RBFOX1: variants seen among roughly 807,000 people sequenced by gnomAD.
RBFOX1 encodes the protein RNA binding fox-1 homolog 1.
In RBFOX1, 8 loss-of-function variants were observed where a neutral mutation model predicts 57.7. The ratio of observed to expected loss-of-function variants is 0.14; its 90% confidence interval spans 0.08 to 0.25. The LOEUF (loss-of-function observed/expected upper bound fraction) is 0.25, where lower values mean the gene tolerates loss of function less well. RBFOX1 is among the 10% of genes least tolerant of loss of function. RBFOX1 has a pLI of 1.00. For synonymous variants in RBFOX1, 326 were observed against 222.4 expected, an observed-to-expected ratio of 1.47 and a Z score of -4.15; for missense variants, 611 against 548.5, an observed-to-expected ratio of 1.11 and a Z score of -1.14.
intron 3 of RBFOX1, among the ~76,000 whole-genome samples, chr16:6,893,960 A>C (rs1028855429): frequency 2.6e-5 from 4 of 152,146 alleles, no homozygotes; most frequent in African/African-American, 7.2e-5. Context: ...TAATTAACCA[A>C]GTGCTATGAT....
intron 4 of RBFOX1, among the ~76,000 whole-genome samples, chr16:7,292,232 C>T (rs1465631746): frequency 4.9e-5 from 5 of 101,828 alleles, no homozygotes; most frequent in South Asian, 3.2e-4. Flanking sequence ...TGATATAGAA[C>T]GTATTATATA....
rs534674651 is a variant in RBFOX1, at chr16:6,226,520, G to T, written c.-126-90475G>T. On this transcript the variant is annotated intron_variant, in intron 1 of 15. Coordinates refer to ENST00000550418, the MANE Select transcript of RBFOX1 (RefSeq NM_018723.4). ...GCCCATGACCACTCATTGAAGCGGT[G>T]TTCAAGTTTTCAAGGCACAGACTTT... Among the ~76,000 whole-genome samples the T allele has an allele frequency of 2.0e-5, 3 of 152,208 alleles. 1 individual carries two copies. The South Asian group carries it at 6.2e-4, about 32-fold the overall frequency.
chr16:7,697,394 A>T (rs979885121), intron 14 of RBFOX1, among the ~76,000 whole-genome samples: 6 of 152,190 alleles, frequency 3.9e-5, no homozygotes, highest in Non-Finnish European at 8.8e-5. Context: ...CCCTGAGGAA[A>T]GCAAACCCTT....
chr16:6,864,426 AC>A (rs2059557068), intron 3 of RBFOX1, among the ~76,000 whole-genome samples: 1 of 152,206 alleles, frequency 6.6e-6, no homozygotes, highest in Non-Finnish European at 1.5e-5. Flanking sequence ...GAAATCACCA[AC>A]AATTCAGAAA....
At chr16:5,446,349 A>G (rs1001573001) in intron 1 of RBFOX1, among the ~76,000 whole-genome samples, 4 of 152,218 alleles carry the variant, frequency 2.6e-5, no homozygotes, top group African/African-American at 9.6e-5. Context: ...AAGATGGTAG[A>G]CAGTATAGAC....
At chr16:6,977,292 A>T (rs947492740) in intron 3 of RBFOX1, among the ~76,000 whole-genome samples, 1 of 151,574 alleles carries the variant, frequency 6.6e-6, no homozygotes, top group African/African-American at 2.4e-5. Context: ...TAAAGGATTA[A>T]TTTTCTTAAT....
intron 14 of RBFOX1, among the ~76,000 whole-genome samples, chr16:7,702,317 C>T (rs940059665): frequency 6.6e-6 from 1 of 152,094 alleles, no homozygotes; most frequent in Non-Finnish European, 1.5e-5. Context: ...ATTTCTTTGT[C>T]CTTTGAAGTG....
intron 4 of RBFOX1, among the ~76,000 whole-genome samples, chr16:7,410,377 C>G (rs1460025729): frequency 3.9e-5 from 6 of 152,172 alleles, no homozygotes. Flanking sequence ...GATTAAAACC[C>G]AGGACCTTAA....
chr16:7,472,082 A>G (rs571039528), intron 4 of RBFOX1, among the ~76,000 whole-genome samples: 1 of 152,216 alleles, frequency 6.6e-6, no homozygotes, highest in Non-Finnish European at 1.5e-5. Flanking sequence ...CTCCTTCAGC[A>G]TATCCTGCCT....
At chr16:7,493,258 C>G (rs1221390416) in intron 4 of RBFOX1, among the ~76,000 whole-genome samples, 1 of 152,198 alleles carries the variant, frequency 6.6e-6, no homozygotes, top group East Asian at 1.9e-4. Flanking sequence ...GACTGTCTAC[C>G]TTTCAGGCGC....
intron 1 of RBFOX1, among the ~76,000 whole-genome samples, chr16:5,375,146 A>G (rs911399739): frequency 6.6e-6 from 1 of 151,626 alleles, no homozygotes; most frequent in Non-Finnish European, 1.5e-5. Context: ...GCTAGGTTAC[A>G]TAGAGTTAAA....
intron 3 of RBFOX1, among the ~76,000 whole-genome samples, chr16:6,787,552 C>T (rs12934762): frequency 0.47 from 71,842 of 151,958 alleles, 17,273 homozygotes; most frequent in East Asian, 0.54. Flanking sequence ...TTAATTTGTG[C>T]CAATTCCAGA....
chr16:6,456,802 G>GT (rs1373730725), intron 2 of RBFOX1, among the ~76,000 whole-genome samples: 3 of 152,058 alleles, frequency 2.0e-5, no homozygotes, highest in Non-Finnish European at 4.4e-5. Context: ...GAAGAATGAA[G>GT]TTATGAGAGG....
At chr16:6,563,206 C>T (rs938825676) in intron 2 of RBFOX1, among the ~76,000 whole-genome samples, 6 of 152,116 alleles carry the variant, frequency 3.9e-5, no homozygotes, top group Admixed American at 2.0e-4. Flanking sequence ...TAGTCCATGG[C>T]ACTGCGTGAC....
intron 3 of RBFOX1, among the ~76,000 whole-genome samples, chr16:6,678,636 C>A (rs1049999533): frequency 6.6e-6 from 1 of 150,660 alleles, no homozygotes; most frequent in East Asian, 1.9e-4. Flanking sequence ...TTTGCTTTAC[C>A]ATATGTGGGA....
chr16:6,891,638 G>A (rs2153377329), intron 3 of RBFOX1, among the ~76,000 whole-genome samples: 1 of 152,090 alleles, frequency 6.6e-6, no homozygotes, highest in East Asian at 1.9e-4. Flanking sequence ...TCCTTTCCTT[G>A]CTTAATCTCT....
chr16:7,617,478 A>G (rs1030583494), intron 10 of RBFOX1, among the ~76,000 whole-genome samples: 2 of 152,318 alleles, frequency 1.3e-5, no homozygotes, highest in Admixed American at 6.5e-5. Context: ...CTCAGCGGTA[A>G]TAAAGCCACC....
intron 1 of RBFOX1, among the ~76,000 whole-genome samples, chr16:5,415,509 G>T (rs1163645884): frequency 6.6e-6 from 1 of 152,018 alleles, no homozygotes; most frequent in African/African-American, 2.4e-5. Context: ...GCAAACTCAG[G>T]GATCCAACTC....
In RBFOX1 at chr16:6,687,665, T is replaced by G. The variant is rs530932427; in HGVS notation, c.-16+33015T>G. Among the ~76,000 whole-genome samples, 21 of 152,292 alleles carry G rather than the reference T, an allele frequency of 1.4e-4. 1 individual carries two copies. The South Asian group carries it at 3.9e-3, about 29-fold the overall frequency. On this transcript the variant is annotated intron_variant, in intron 3 of 15. Transcript: ENST00000550418. ...TGCCAGGATTCAGGCTGCTCCTGTT[T>G]CATCTAGCTGTATTTATGTCCTGTA...
Sources: allele counts gnomAD v4.1 joint callset (sites outside exome capture counted in the v4.1 genomes callset), GRCh38; gene constraint gnomAD v4.1.1; transcripts MANE v1.5; gene names NCBI Gene and HGNC (gene_info 2026-07-23, HGNC 2026-07-21).